The following ATP2B1 variants were observed in gnomAD, a reference collection of about 807,000 sequenced individuals.
ATP2B1 encodes plasma membrane calcium-transporting ATPase 1.
Under a neutral mutation model 124.2 loss-of-function variants are expected in ATP2B1, and 14 were observed. The ratio of observed to expected loss-of-function variants is 0.11; its 90% CI spans 0.07 to 0.18. ATP2B1 has a LOEUF of 0.18. ATP2B1 is among the 10% of genes least tolerant of loss of function. The probability of loss-of-function intolerance (pLI) is 1.00; values close to 1 mark genes in which losing one functional copy is unlikely to be tolerated. For synonymous variants in ATP2B1, 449 were observed against 492.4 expected, an observed-to-expected ratio of 0.91 and a Z score of 1.17; for missense variants, 763 against 1,466.1, an observed-to-expected ratio of 0.52 and a Z score of 7.83.
At chr12:89,634,659 G>T in intron 5 of ATP2B1, 119 bp downstream of exon 5, 1 of 1,113,772 alleles carries the variant, frequency 9.0e-7, no homozygotes, top group South Asian at 1.9e-5. Context: ...AACAGTAGAA[G>T]GTAGCATAAA....
chr12:89,681,163 C>T (rs949922509), intron 1 of ATP2B1, among the ~76,000 whole-genome samples: 10 of 152,064 alleles, frequency 6.6e-5, no homozygotes, highest in African/African-American at 2.2e-4. Flanking sequence ...GAAAAGAATG[C>T]ATATGTTATA....
chr12:89,673,526 T>C (rs919948707), intron 1 of ATP2B1, among the ~76,000 whole-genome samples: 1 of 152,210 alleles, frequency 6.6e-6, no homozygotes, highest in African/African-American at 2.4e-5. Context: ...TCTGGTCGTA[T>C]ATAACAGTTA....
intron 1 of ATP2B1, among the ~76,000 whole-genome samples, chr12:89,662,691 A>G (rs755443622): frequency 6.6e-6 from 1 of 152,190 alleles, no homozygotes; most frequent in African/African-American, 2.4e-5. Context: ...GAAAATAAGC[A>G]TTATCTAAAA....
At chr12:89,709,349 T>G (rs1220991824), upstream of ATP2B1, 2 of 151,814 alleles carry the variant, frequency 1.3e-5, no homozygotes, top group Admixed American at 1.3e-4. Context: ...CCGCCTTGGC[T>G]GAGCGCGGTC....
chr12:89,664,657 C>T (rs1011902130), intron 1 of ATP2B1, among the ~76,000 whole-genome samples: 1 of 152,124 alleles, frequency 6.6e-6, no homozygotes, highest in African/African-American at 2.4e-5. Flanking sequence ...CTCAGTTGAT[C>T]GAACACTTCA....
chr12:89,671,898 T>A (rs542342597), intron 1 of ATP2B1, among the ~76,000 whole-genome samples: 1 of 152,136 alleles, frequency 6.6e-6, no homozygotes, highest in African/African-American at 2.4e-5. Context: ...ACAGGGTCTA[T>A]AAGTTTCAGA....
intron 1 of ATP2B1, among the ~76,000 whole-genome samples, chr12:89,658,647 GATAGAGAT>G (rs1385771116): frequency 1.5e-4 from 18 of 124,114 alleles, no homozygotes; most frequent in African/African-American, 5.0e-4. Context: ...GAGAGAGAGA[GATAGAGAT>G]AGCATGTGGC....
intron 2 of ATP2B1, among the ~76,000 whole-genome samples, chr12:89,653,719 A>C (rs2136340376): frequency 6.6e-6 from 1 of 152,352 alleles, no homozygotes; most frequent in African/African-American, 2.4e-5. Context: ...ACTAGAGGTA[A>C]AATTTTCAGT....
intron 1 of ATP2B1, among the ~76,000 whole-genome samples, chr12:89,679,434 C>A (rs1209015046): frequency 6.6e-6 from 1 of 152,088 alleles, no homozygotes; most frequent in East Asian, 1.9e-4. Context: ...TCTCCAGGAC[C>A]AAGACTTAAT....
At chr12:89,702,536 T>C (rs1211470714) in intron 1 of ATP2B1, among the ~76,000 whole-genome samples, 1 of 152,188 alleles carries the variant, frequency 6.6e-6, no homozygotes, top group Non-Finnish European at 1.5e-5. Flanking sequence ...TAGATCCACA[T>C]TGTTAATAAA....
chr12:89,624,519 G>T, intron 8 of ATP2B1, 122 bp from the exon 9 acceptor site: 1 of 844,086 alleles, frequency 1.2e-6, no homozygotes, highest in African/African-American at 1.7e-5. Flanking sequence ...ATTTCTCTGA[G>T]AAATTACTTC....
At chr12:89,652,449 G>A (rs1885381011) in intron 2 of ATP2B1, among the ~76,000 whole-genome samples, 1 of 152,162 alleles carries the variant, frequency 6.6e-6, no homozygotes. Flanking sequence ...TAAAGGGACA[G>A]GTAAGACAAC....
At chr12:89,665,088 C>CTTT (rs1887148437) in intron 1 of ATP2B1, among the ~76,000 whole-genome samples, 1 of 152,166 alleles carries the variant, frequency 6.6e-6, no homozygotes, top group South Asian at 2.1e-4. Flanking sequence ...CTCGGCCTCC[C>CTTT]AAAGTGCTGG....
At chr12:89,708,331 G>A (rs1008063770) in intron 1 of ATP2B1, among the ~76,000 whole-genome samples, 3 of 152,138 alleles carry the variant, frequency 2.0e-5, no homozygotes, top group Non-Finnish European at 4.4e-5. Flanking sequence ...CCATCCCTCG[G>A]GCCCGGAGCA....
At chr12:89,591,585 TA>T (rs1873578267) in intron 20 of ATP2B1, among the ~76,000 whole-genome samples, 1 of 152,012 alleles carries the variant, frequency 6.6e-6, no homozygotes, top group Non-Finnish European at 1.5e-5. Context: ...ATTTTTTCCC[TA>T]AAAGAACAAA....
chr12:89,638,297 C>A (rs766875055), intron 3 of ATP2B1, among the ~76,000 whole-genome samples: 5 of 152,162 alleles, frequency 3.3e-5, no homozygotes, highest in Non-Finnish European at 5.9e-5. Context: ...ATACTCTCTA[C>A]CACAAGGCAA....
chr12:89,665,573 G>A (rs1172181900), intron 1 of ATP2B1, among the ~76,000 whole-genome samples: 1 of 152,156 alleles, frequency 6.6e-6, no homozygotes, highest in South Asian at 2.1e-4. Flanking sequence ...ATCCTGTGCA[G>A]TTTACCAAAT....
In ATP2B1 at chr12:89,704,808, C is replaced by T. The variant is rs1472873877; in HGVS notation, c.-222+3788G>A. On this transcript the variant is annotated intron_variant, in intron 1 of 20. Coordinates refer to ENST00000428670, the MANE Select transcript of ATP2B1 (RefSeq NM_001366521.1). ...CTTTGGGCACCTGCTGTAAAATACA[C>T]AAACTACCACCAGAAAAATTAAAAT... is the stretch of plus-strand genomic sequence containing the variant. Among the ~76,000 whole-genome samples, 4 of 152,058 alleles carry T rather than the reference C, an allele frequency of 2.6e-5. No homozygotes were observed. The East Asian group carries it at 7.7e-4, about 29-fold the overall frequency.
intron 20 of ATP2B1, chr12:89,598,637 G>T: frequency 6.2e-7 from 1 of 1,613,964 alleles, no homozygotes; most frequent in Non-Finnish European, 8.5e-7. Context: ...TACATGTGTA[G>T]GGGTAGAAAT....
Sources: gnomAD v4.1 joint callset for allele counts (sites outside exome capture counted in the v4.1 genomes callset) on GRCh38, gnomAD v4.1.1 for gene constraint, MANE v1.5 for transcripts, NCBI Gene and HGNC (gene_info 2026-07-23, HGNC 2026-07-21) for gene names.